Variants in LSAMP observed in about 807,000 individuals in gnomAD.
LSAMP encodes the protein limbic system associated membrane protein, also known as limbic system-associated membrane protein.
LSAMP carries 7 observed loss-of-function variants against 38.6 expected under a neutral mutation model. The observed-to-expected ratio is 0.18, with a 90% CI of 0.10 to 0.34. The LOEUF is 0.34. Ranked by LOEUF, LSAMP falls within the 10% of genes least tolerant of loss-of-function variation. The pLI is 1.00. For missense variants in LSAMP, 313 were observed against 420.0 expected (o/e 0.75, Z 2.23); for synonymous variants, 154 against 166.8 (o/e 0.92, Z 0.59).
chr3:116,296,430 A>C (rs2047334496), intron 1 of LSAMP, among the ~76,000 whole-genome samples: 1 of 152,026 alleles, frequency 6.6e-6, no homozygotes, highest in Non-Finnish European at 1.5e-5. Flanking sequence ...ATCTTTAAGA[A>C]ACCCATATTG....
At chr3:116,113,420 A>ATATATATATATTTTTTT (rs1553705042) in intron 1 of LSAMP, among the ~76,000 whole-genome samples, 1 of 51,030 alleles carries the variant, frequency 2.0e-5, no homozygotes, top group African/African-American at 9.6e-5. Context: ...ATATATATAT[A>ATATATATATATTTTTTT]TTTTTTTTTT....
chr3:116,217,688 A>G (rs1405475839), intron 1 of LSAMP, among the ~76,000 whole-genome samples: 1 of 152,200 alleles, frequency 6.6e-6, no homozygotes, highest in African/African-American at 2.4e-5. Flanking sequence ...GGTTCTATGG[A>G]GATATTAGTG....
At chr3:116,303,894 C>G (rs561631337) in intron 1 of LSAMP, among the ~76,000 whole-genome samples, 37 of 152,138 alleles carry the variant, frequency 2.4e-4, no homozygotes, top group African/African-American at 8.7e-4. Context: ...TTAAAGCAGC[C>G]AAAAGAACTT....
chr3:116,304,882 AAGG>A (rs1169566936), intron 1 of LSAMP, among the ~76,000 whole-genome samples: 1 of 152,100 alleles, frequency 6.6e-6, no homozygotes, highest in African/African-American at 2.4e-5. Flanking sequence ...GGTGGAAAGG[AAGG>A]AGAAGAGTTA....
intron 1 of LSAMP, among the ~76,000 whole-genome samples, chr3:116,438,629 T>G (rs1458308592): frequency 1.3e-5 from 2 of 152,222 alleles, no homozygotes; most frequent in Non-Finnish European, 2.9e-5. Context: ...CTTGAATATG[T>G]TGGCACAGAA....
chr3:116,119,772 TGCCTCA>T (rs1708834883), intron 1 of LSAMP, among the ~76,000 whole-genome samples: 2 of 152,014 alleles, frequency 1.3e-5, no homozygotes, highest in African/African-American at 4.8e-5. Context: ...GAGATTCTCC[TGCCTCA>T]GCCTCCCGAG....
intron 1 of LSAMP, among the ~76,000 whole-genome samples, chr3:116,223,951 G>A (rs202070818): frequency 1.3e-5 from 2 of 151,930 alleles, no homozygotes; most frequent in Non-Finnish European, 2.9e-5. Flanking sequence ...TGGCTTCTTT[G>A]CTGATTTAAT....
At chr3:116,216,941 A>G (rs189280186) in intron 1 of LSAMP, among the ~76,000 whole-genome samples, 84 of 152,348 alleles carry the variant, frequency 5.5e-4, no homozygotes, top group African/African-American at 1.7e-3. Context: ...GAAGAAGAAC[A>G]GATGGTTTAG....
intron 1 of LSAMP, among the ~76,000 whole-genome samples, chr3:116,261,116 TA>T (rs2046820406): frequency 6.6e-6 from 1 of 152,242 alleles, no homozygotes; most frequent in Admixed American, 6.5e-5. Context: ...CCTTAGTGTT[TA>T]CAACTTTCTG....
rs185515801 is a variant in LSAMP at position 116,289,338 on chromosome 3, G to T, written c.155+155539C>A. Among the ~76,000 whole-genome samples the T allele has an allele frequency of 1.0e-3, 159 of 152,206 alleles. 1 individual carries two copies. Among genetic ancestry groups the T allele is most frequent in the Middle Eastern group, 3.4e-3 (1 of 294 alleles). On this transcript the variant is annotated intron_variant, in intron 1 of 6. Transcript: ENST00000490035. The stretch of plus-strand genomic sequence containing the variant: ...CATAACATATGAAAGGCTCTGAAAA[G>T]CCGTTTTCCTAAAACCTGTTTAATT...
At chr3:116,324,405 A>G (rs1451261987) in intron 1 of LSAMP, among the ~76,000 whole-genome samples, 1 of 152,180 alleles carries the variant, frequency 6.6e-6, no homozygotes, top group Non-Finnish European at 1.5e-5. Flanking sequence ...TCGTTTACTC[A>G]CTTAGGAAGA....
intron 2 of LSAMP, among the ~76,000 whole-genome samples, chr3:116,062,588 C>A (rs989680984): frequency 2.6e-5 from 4 of 152,136 alleles, no homozygotes; most frequent in Non-Finnish European, 5.9e-5. Flanking sequence ...CTCTCTCTCT[C>A]TCCCTTTCTT....
intron 3 of LSAMP, among the ~76,000 whole-genome samples, chr3:115,990,675 T>G (rs1383944299): frequency 2.0e-5 from 3 of 152,050 alleles, no homozygotes; most frequent in African/African-American, 7.2e-5. Flanking sequence ...TATCGAAATA[T>G]TTTTGGACTG....
At chr3:115,859,651 G>T (rs1935616180) in intron 3 of LSAMP, among the ~76,000 whole-genome samples, 1 of 152,214 alleles carries the variant, frequency 6.6e-6, no homozygotes, top group Non-Finnish European at 1.5e-5. Context: ...TGCCAGGGAA[G>T]ATTCACAACT....
intron 3 of LSAMP, among the ~76,000 whole-genome samples, chr3:115,931,205 A>G (rs1275824075): frequency 2.6e-5 from 4 of 152,060 alleles, no homozygotes; most frequent in Non-Finnish European, 5.9e-5. Flanking sequence ...TGACGCCAAC[A>G]CCCACAGCAG....
intron 2 of LSAMP, among the ~76,000 whole-genome samples, chr3:116,074,425 T>A (rs75946052): frequency 6.6e-6 from 1 of 152,202 alleles, no homozygotes; most frequent in Non-Finnish European, 1.5e-5. Context: ...CTTTCCATAA[T>A]TTTTTTAAAA....
intron 2 of LSAMP, among the ~76,000 whole-genome samples, chr3:116,072,928 T>C (rs1707647255): frequency 6.6e-6 from 1 of 152,186 alleles, no homozygotes; most frequent in South Asian, 2.1e-4. Context: ...TATTTGTCAA[T>C]GCTTGCTCTT....
intron 1 of LSAMP, among the ~76,000 whole-genome samples, chr3:116,135,734 G>A (rs1221318880): frequency 3.3e-5 from 5 of 152,134 alleles, no homozygotes; most frequent in African/African-American, 1.2e-4. Flanking sequence ...TACATTAGTG[G>A]TACCTCCTTC....
At chr3:115,875,958 G>C (rs1352844681) in intron 3 of LSAMP, among the ~76,000 whole-genome samples, 1 of 151,976 alleles carries the variant, frequency 6.6e-6, no homozygotes, top group Non-Finnish European at 1.5e-5. Flanking sequence ...TTTTATAAAG[G>C]CAAAATTCTC....
Sources: allele counts gnomAD v4.1 joint callset (sites outside exome capture counted in the v4.1 genomes callset), GRCh38; gene constraint gnomAD v4.1.1; transcripts MANE v1.5; gene names NCBI Gene and HGNC (gene_info 2026-07-23, HGNC 2026-07-21).